The following NCEH1 variants were observed in gnomAD, a reference collection of about 807,000 sequenced individuals.
NCEH1 encodes the protein 2-acetyl MAGE hydrolase.
Under a neutral mutation model 25.4 loss-of-function variants are expected in NCEH1, and 9 were observed. The observed-to-expected ratio is 0.35, with a 90% CI of 0.21 to 0.62. NCEH1 has a LOEUF of 0.62. Ranked by LOEUF, NCEH1 falls within the 20% of genes least tolerant of loss-of-function variation. The pLI is 0.72. For synonymous variants in NCEH1, 200 were observed against 199.8 expected, an observed-to-expected ratio of 1.00 and a Z score of -0.01; for missense variants, 412 against 501.1, an observed-to-expected ratio of 0.82 and a Z score of 1.70.
At chr3:172,675,038 G>A (rs1001731800) in intron 1 of NCEH1, among the ~76,000 whole-genome samples, 5 of 152,312 alleles carry the variant, frequency 3.3e-5, no homozygotes, top group Non-Finnish European at 5.9e-5. Context: ...GGCCAGGTGC[G>A]ATGGCTCATG....
At chr3:172,666,482 C>T (rs13077216) in intron 1 of NCEH1, among the ~76,000 whole-genome samples, 51,225 of 151,982 alleles carry the variant, frequency 0.34, 8,813 homozygotes, top group South Asian at 0.38. Flanking sequence ...TTCTAATCCC[C>T]CCTCCCTCTG....
At chr3:172,636,112 T>C (rs2108488029) in intron 3 of NCEH1, 25 bp from the exon 4 acceptor site, 1 of 1,569,634 alleles carries the variant, frequency 6.4e-7, no homozygotes, top group East Asian at 2.2e-5. Flanking sequence ...GTTGTATTCA[T>C]TTAAGGCCTT....
At position 172,633,355 on chromosome 3, in the gene NCEH1, T is replaced by C; in HGVS notation, c.*120A>G. The C allele has an allele frequency of 1.0e-6, 1 of 966,726 alleles. No individual in the cohort carries two copies. Among genetic ancestry groups the C allele is most frequent in the Non-Finnish European group, 1.6e-6 (1 of 642,094 alleles). The allele number at this position is 966,726 out of a possible 1,614,324, so 59.9% of individuals were successfully genotyped here. A position where few individuals can be genotyped will look rare whatever the true frequency, so the allele number is the denominator to read the frequency against. On this transcript the variant is annotated 3_prime_UTR_variant, in exon 5 of 5. Coordinates refer to ENST00000475381, the MANE Select transcript of NCEH1 (RefSeq NM_020792.6). ...AAGACTTCAGTTATGGAATAGAAAT[T>C]CCATAACTCGCAAGTAGAGGGGAAT... is the stretch of plus-strand genomic sequence containing the variant.
At chr3:172,642,338 T>G (rs2108492426) in intron 3 of NCEH1, among the ~76,000 whole-genome samples, 1 of 152,104 alleles carries the variant, frequency 6.6e-6, no homozygotes, top group South Asian at 2.1e-4. Flanking sequence ...CATGCCTGGC[T>G]AATTGTTTTT....
intron 1 of NCEH1, among the ~76,000 whole-genome samples, chr3:172,673,931 C>G (rs965701318): frequency 7.9e-5 from 12 of 152,142 alleles, no homozygotes; most frequent in Non-Finnish European, 1.8e-4. Flanking sequence ...AATCCTTCAC[C>G]GAGCTTTTTA....
At chr3:172,661,150 A>G (rs571095106) in intron 1 of NCEH1, among the ~76,000 whole-genome samples, 3 of 152,280 alleles carry the variant, frequency 2.0e-5, no homozygotes, top group Middle Eastern at 3.4e-3. Context: ...TAATTTTTGT[A>G]TAACATGTAA....
chr3:172,694,378 A>ATGTGTGTG (rs369794698), intron 1 of NCEH1, among the ~76,000 whole-genome samples: 99 of 151,348 alleles, frequency 6.5e-4, no homozygotes, highest in African/African-American at 2.3e-3. Context: ...AGTTATATAT[A>ATGTGTGTG]TGTGTGTGTG....
rs1379002720 is a variant in NCEH1 at position 172,634,031 on chromosome 3, A to G, written c.671T>C (p.Leu224Pro). The G allele has an allele frequency of 6.2e-7, 1 of 1,614,108 alleles. No individual in the cohort carries two copies. The highest frequency in any genetic ancestry group is 8.5e-7 in the Non-Finnish European group (1 of 1,180,026). ...TGGTGTGTTAAAATCTAAAGCTTGA[A>G]GAACTGGATAAATTAAAGCTTGTAG... The part of the protein sequence containing the change: ...LKLQALIYPV[L>P]QALDFNTPSY... The change falls in exon 5 of 5, where the codon CTT (leucine) becomes CCT (proline). Residue 224 changes from leucine to proline, a missense_variant. Transcript: ENST00000475381.
chr3:172,638,020 C>T (rs369313127), intron 3 of NCEH1, among the ~76,000 whole-genome samples: 41 of 152,182 alleles, frequency 2.7e-4, no homozygotes, highest in Non-Finnish European at 5.1e-4. Flanking sequence ...AAGACCTGGG[C>T]GAAAGAGCAA....
rs540965121 is a variant in NCEH1, at chr3:172,664,599, A to G, written c.139-16485T>C. Among the ~76,000 whole-genome samples the G allele has an allele frequency of 7.2e-5, 11 of 152,314 alleles. No individual in the cohort carries two copies. The South Asian group carries it at 2.3e-3, about 32-fold the overall frequency. On this transcript the variant is annotated intron_variant, in intron 1 of 4. Coordinates refer to ENST00000475381, the MANE Select transcript of NCEH1 (RefSeq NM_020792.6). ...CTCCCCGTCACTTTCAGGTACACCA[A>G]TCAAAAGTAGATTTGGTCTTTTCAC...
chr3:172,648,420 G>C (rs1717231034), intron 1 of NCEH1, among the ~76,000 whole-genome samples: 1 of 152,054 alleles, frequency 6.6e-6, no homozygotes, highest in African/African-American at 2.4e-5. Flanking sequence ...GATTAGGTTT[G>C]AATTCCAGGA....
In NCEH1 at chr3:172,671,058, AC is replaced by A. The variant is rs1188864137; in HGVS notation, c.139-22945del. On this transcript the variant is annotated intron_variant, in intron 1 of 4. Transcript: ENST00000475381. The stretch of plus-strand genomic sequence containing the variant: ...TCTTTTATCCTTTGTAGTAAGGCTT[AC>A]TTTGTCCAGTGGCAACATGATCAGA... Among the ~76,000 whole-genome samples the A allele has an allele frequency of 7.2e-5, 11 of 152,306 alleles. No homozygotes were observed. In the East Asian group the frequency reaches 1.9e-3, roughly 27 times the overall value.
intron 1 of NCEH1, among the ~76,000 whole-genome samples, chr3:172,659,686 A>G (rs938136750): frequency 6.6e-6 from 1 of 152,232 alleles, no homozygotes; most frequent in African/African-American, 2.4e-5. Context: ...AGAAGATTTT[A>G]CATCTTAAAT....
intron 1 of NCEH1, among the ~76,000 whole-genome samples, chr3:172,700,261 T>C (rs644758): frequency 0.55 from 84,208 of 151,994 alleles, 25,659 homozygotes; most frequent in African/African-American, 0.82. Context: ...CATACAGATT[T>C]CCCCAAAATT....
intron 3 of NCEH1, among the ~76,000 whole-genome samples, chr3:172,640,627 C>A (rs1313904916): frequency 6.6e-6 from 1 of 152,212 alleles, no homozygotes; most frequent in Non-Finnish European, 1.5e-5. Context: ...CCTGCCTCAG[C>A]CTCCAGAGTA....
chr3:172,637,226 C>T (rs902888956), intron 3 of NCEH1, among the ~76,000 whole-genome samples: 3 of 151,998 alleles, frequency 2.0e-5, no homozygotes, highest in Non-Finnish European at 4.4e-5. Context: ...ATTAACATAC[C>T]TTCATTTTGC....
rs1466419100 is a variant in NCEH1, at chr3:172,648,121, G to A, written c.139-7C>T. On this transcript the variant is annotated splice_polypyrimidine_tract_variant and splice_region_variant and intron_variant, in intron 1 of 4. Coordinates refer to ENST00000475381, the MANE Select transcript of NCEH1 (RefSeq NM_020792.6). Reference sequence around the variant, plus strand: ...GGTAGTGGATCAGGTTACTCTGCAGGGCGAGGGAGGAAATAAAGAGGGAGG... The same window carrying A: ...GGTAGTGGATCAGGTTACTCTGCAGAGCGAGGGAGGAAATAAAGAGGGAGG... 6.2e-7 allele frequency: 1 copy of A among 1,613,802 alleles called. No individual in the cohort carries two copies. Among genetic ancestry groups the A allele is most frequent in the Admixed American group, 1.7e-5 (1 of 60,008 alleles).
chr3:172,640,017 C>A (rs1390741647), intron 3 of NCEH1, among the ~76,000 whole-genome samples: 3 of 152,294 alleles, frequency 2.0e-5, no homozygotes, highest in Admixed American at 6.5e-5. Flanking sequence ...CCCCAAGCCC[C>A]GAATGACACC....
chr3:172,656,475 G>A (rs1717700513), intron 1 of NCEH1, among the ~76,000 whole-genome samples: 1 of 152,146 alleles, frequency 6.6e-6, no homozygotes, highest in South Asian at 2.1e-4. Context: ...AAAGAAGATA[G>A]TGACTTTTTG....
Sources: allele counts gnomAD v4.1 joint callset (sites outside exome capture counted in the v4.1 genomes callset), GRCh38; gene constraint gnomAD v4.1.1; transcripts MANE v1.5; gene names NCBI Gene and HGNC (gene_info 2026-07-23, HGNC 2026-07-21).